The following SLC39A11 variants were observed in gnomAD, a reference collection of about 807,000 sequenced individuals.
The protein encoded by SLC39A11 is solute carrier family 39 member 11.
In SLC39A11, 33 loss-of-function variants were observed where a neutral mutation model predicts 36.1. The ratio of observed to expected loss-of-function variants is 0.91; its 90% CI spans 0.69 to 1.22. The LOEUF is 1.22. SLC39A11 is among the 50% of genes most tolerant of loss of function. SLC39A11 has a pLI of 0.00. For missense variants in SLC39A11, 432 were observed against 430.3 expected, an observed-to-expected ratio of 1.00 and a Z score of -0.03; for synonymous variants, 166 against 170.3, an observed-to-expected ratio of 0.97 and a Z score of 0.20.
At chr17:72,957,112 C>T (rs574318727) in intron 4 of SLC39A11, among the ~76,000 whole-genome samples, 16 of 152,264 alleles carry the variant, frequency 1.1e-4, no homozygotes, top group African/African-American at 3.9e-4. Context: ...GGAGCTCATT[C>T]GTACGCTAAC....
Position 72,949,144 on chromosome 17 carries a change from C to CTTTTTTTTTTTTTTTTTTTTTTTTT in SLC39A11, c.307-1294_307-1270dup, listed in dbSNP as rs56036208. On this transcript the variant is annotated intron_variant, in intron 4 of 9. Transcript: ENST00000255559. ...AAATAAAATACCATACACTGGGCAG[C>CTTTTTTTTTTTTTTTTTTTTTTTTT]TTTTTTTTTTTTTTTTTTTTTTTTT... 3.8e-4 allele frequency among the ~76,000 whole-genome samples: 14 copies of CTTTTTTTTTTTTTTTTTTTTTTTTT among 36,506 alleles called. 5 individuals are homozygous for CTTTTTTTTTTTTTTTTTTTTTTTTT. Among genetic ancestry groups the CTTTTTTTTTTTTTTTTTTTTTTTTT allele is most frequent in the East Asian group, 3.5e-3 (3 of 864 alleles). 23.9% of individuals were successfully genotyped at this position (36,506 alleles called of 152,430 possible). A position where few individuals can be genotyped will look rare whatever the true frequency, so the allele number is the denominator to read the frequency against.
chr17:72,938,684 C>A (rs2084916617), intron 5 of SLC39A11, among the ~76,000 whole-genome samples: 1 of 152,176 alleles, frequency 6.6e-6, no homozygotes, highest in African/African-American at 2.4e-5. Flanking sequence ...CAAATAAAAG[C>A]CTGGCAGGAA....
rs188108467 is a variant in SLC39A11 at position 73,025,044 on chromosome 17, C to T, written c.306+6512G>A. 3.5e-4 allele frequency among the ~76,000 whole-genome samples: 53 copies of T among 152,086 alleles called. No individual in the cohort carries two copies. The East Asian group carries it at 8.9e-3, about 25-fold the overall frequency. On this transcript the variant is annotated intron_variant, in intron 4 of 9. Transcript: ENST00000255559. ...ACTGGGTACATATTCAAAGTACACA[C>T]GCACACTGTTCATTTAAGCTTCACT...
At chr17:72,887,955 G>A (rs2081520167) in intron 5 of SLC39A11, among the ~76,000 whole-genome samples, 1 of 152,176 alleles carries the variant, frequency 6.6e-6, no homozygotes, top group Admixed American at 6.6e-5. Flanking sequence ...GAATTTCGAA[G>A]TGATATTTTC....
intron 7 of SLC39A11, among the ~76,000 whole-genome samples, chr17:72,722,807 G>C (rs1187594289): frequency 6.6e-6 from 1 of 151,886 alleles, no homozygotes; most frequent in African/African-American, 2.4e-5. Context: ...GCTAATTTTT[G>C]TATTTTTTAG....
intron 4 of SLC39A11, among the ~76,000 whole-genome samples, chr17:73,003,947 A>G (rs149928051): frequency 3.0e-4 from 45 of 151,936 alleles, no homozygotes; most frequent in East Asian, 1.2e-3. Flanking sequence ...TTAGCTGGGC[A>G]TGGTGGTGCA....
intron 5 of SLC39A11, among the ~76,000 whole-genome samples, chr17:72,896,487 T>G (rs9895836): frequency 0.55 from 83,381 of 151,766 alleles, 23,623 homozygotes; most frequent in East Asian, 0.72. Flanking sequence ...CAGGCATGAG[T>G]CACTGCACCC....
intron 5 of SLC39A11, among the ~76,000 whole-genome samples, chr17:72,872,937 C>A (rs1164987599): frequency 6.6e-6 from 1 of 151,818 alleles, no homozygotes; most frequent in Non-Finnish European, 1.5e-5. Flanking sequence ...CACCTGTAGT[C>A]CCAGCTACTC....
At chr17:73,084,258 T>C (rs2060642071) in intron 3 of SLC39A11, among the ~76,000 whole-genome samples, 1 of 151,638 alleles carries the variant, frequency 6.6e-6, no homozygotes, top group Admixed American at 6.6e-5. Context: ...GGCAACATGG[T>C]GAAACCCCAT....
chr17:72,766,846 T>C (rs927120015), intron 6 of SLC39A11, among the ~76,000 whole-genome samples: 4 of 152,188 alleles, frequency 2.6e-5, no homozygotes, highest in Non-Finnish European at 5.9e-5. Flanking sequence ...AAGGTTGGCA[T>C]GACCATAAAC....
At chr17:72,649,624 CTTTTTCTT>C (rs1428410816) in intron 7 of SLC39A11, among the ~76,000 whole-genome samples, 2 of 146,102 alleles carry the variant, frequency 1.4e-5, no homozygotes, top group African/African-American at 2.7e-5. Context: ...GCCTCTGTTT[CTTTTTCTT>C]TTTTTCTTTT....
At chr17:72,758,283 CAAG>C (rs1317733128) in intron 6 of SLC39A11, among the ~76,000 whole-genome samples, 1 of 152,158 alleles carries the variant, frequency 6.6e-6, no homozygotes, top group Non-Finnish European at 1.5e-5. Flanking sequence ...AAGACACAGT[CAAG>C]AAGGAGTTTA....
chr17:72,892,402 T>A (rs2081801470), intron 5 of SLC39A11, among the ~76,000 whole-genome samples: 2 of 130,174 alleles, frequency 1.5e-5, no homozygotes, highest in Admixed American at 8.5e-5. Flanking sequence ...AAAGTGAGAC[T>A]CCATCTCAAA....
chr17:73,073,785 G>A (rs530023376), intron 3 of SLC39A11: 1 of 152,208 alleles, frequency 6.6e-6, no homozygotes, highest in South Asian at 2.1e-4. Flanking sequence ...ATCCCTGGGA[G>A]GTCACCATCC....
At chr17:72,903,518 G>A (rs1467489608) in intron 5 of SLC39A11, among the ~76,000 whole-genome samples, 2 of 152,158 alleles carry the variant, frequency 1.3e-5, no homozygotes, top group African/African-American at 4.8e-5. Context: ...CAGCCACTGT[G>A]ACTCTCTCAA....
intron 5 of SLC39A11, among the ~76,000 whole-genome samples, chr17:72,852,131 G>C (rs1237713147): frequency 7.1e-6 from 1 of 140,692 alleles, no homozygotes; most frequent in Non-Finnish European, 1.5e-5. Context: ...CTTGAACCCA[G>C]GAGGCGGAGC....
intron 6 of SLC39A11, 81 bp downstream of exon 6, chr17:72,849,553 C>CTGTAGA (rs2079201427): frequency 1.4e-6 from 2 of 1,393,918 alleles, no homozygotes; most frequent in Non-Finnish European, 1.9e-6. Flanking sequence ...TTGCCCCTTC[C>CTGTAGA]CCTTTTCCAG....
intron 6 of SLC39A11, among the ~76,000 whole-genome samples, chr17:72,815,737 C>G (rs1363505615): frequency 6.6e-6 from 1 of 152,176 alleles, no homozygotes; most frequent in African/African-American, 2.4e-5. Context: ...GTCTGGCCAA[C>G]ATGGCGAAAC....
intron 6 of SLC39A11, among the ~76,000 whole-genome samples, chr17:72,823,036 C>T (rs1291517762): frequency 2.6e-5 from 4 of 151,142 alleles, no homozygotes; most frequent in African/African-American, 4.8e-5. Flanking sequence ...GTGCCTGGTC[C>T]TAAACTTTCA....
Sources: allele counts gnomAD v4.1 joint callset (sites outside exome capture counted in the v4.1 genomes callset), GRCh38; gene constraint gnomAD v4.1.1; transcripts MANE v1.5; gene names NCBI Gene and HGNC (gene_info 2026-07-23, HGNC 2026-07-21).